NEGR1: variants seen among roughly 807,000 people sequenced by gnomAD.
NEGR1 encodes IgLON family member 4.
In NEGR1, 10 loss-of-function variants were observed where a neutral mutation model predicts 40.9. That is an observed-to-expected ratio of 0.24 (90% confidence interval 0.15 to 0.42). NEGR1 has a LOEUF of 0.42. NEGR1 is among the 10% of genes least tolerant of loss of function. NEGR1 has a pLI of 1.00. For missense variants in NEGR1, 352 were observed against 438.9 expected, an observed-to-expected ratio of 0.80 and a Z score of 1.77; for synonymous variants, 185 against 166.8, an observed-to-expected ratio of 1.11 and a Z score of -0.84.
At chr1:72,115,197 T>C (rs1649535519) in intron 1 of NEGR1, among the ~76,000 whole-genome samples, 1 of 142,012 alleles carries the variant, frequency 7.0e-6, no homozygotes. Context: ...TTAATTGTGG[T>C]CTTTTATATA....
chr1:72,094,918 G>T (rs1648640331), intron 1 of NEGR1, among the ~76,000 whole-genome samples: 1 of 151,994 alleles, frequency 6.6e-6, no homozygotes, highest in South Asian at 2.1e-4. Flanking sequence ...ACTCCTAAAA[G>T]GTTATATGAG....
chr1:72,275,076 CA>C, intron 1 of NEGR1: 5 of 1,040,370 alleles, frequency 4.8e-6, no homozygotes, highest in Non-Finnish European at 6.1e-6. Context: ...TTGTTAGCAC[CA>C]GTGACCTCCT....
intron 2 of NEGR1, among the ~76,000 whole-genome samples, chr1:71,849,829 T>C (rs1570429434): frequency 2.0e-5 from 3 of 152,188 alleles, no homozygotes; most frequent in African/African-American, 7.2e-5. Context: ...TTTAGCAATA[T>C]AGTATTTTTT....
In NEGR1 at chr1:71,399,394, T is replaced by C. The variant is rs1425307581; in HGVS notation, c.*8052A>G. ...AAAAATGTATTACAAGAAATTAATTTATTCCAAATTTTTTTAAAAATCTGC... is the reference window on the plus strand; with the variant it reads ...AAAAATGTATTACAAGAAATTAATTCATTCCAAATTTTTTTAAAAATCTGC... On this transcript the variant is annotated 3_prime_UTR_variant, in exon 7 of 7. Transcript: ENST00000357731. 6.6e-6 allele frequency: 1 copy of C among 152,204 alleles called. No individual in the cohort carries two copies. The highest frequency in any genetic ancestry group is 1.5e-5 in the Non-Finnish European group (1 of 68,042). The allele number at this position is 152,204 out of a possible 1,614,324, so 9.4% of individuals were successfully genotyped here.
intron 2 of NEGR1, among the ~76,000 whole-genome samples, chr1:71,800,577 C>T (rs996228120): frequency 6.6e-6 from 1 of 152,194 alleles, no homozygotes; most frequent in African/African-American, 2.4e-5. Context: ...ATCCCTGTAA[C>T]ATACTGTTCA....
At chr1:71,762,370 G>A (rs781400940) in intron 3 of NEGR1, among the ~76,000 whole-genome samples, 9 of 151,846 alleles carry the variant, frequency 5.9e-5, no homozygotes, top group Non-Finnish European at 1.0e-4. Context: ...TCAAAATAGA[G>A]AGGTTGGCAA....
At chr1:71,650,530 T>G (rs886094897) in intron 4 of NEGR1, among the ~76,000 whole-genome samples, 29 of 152,336 alleles carry the variant, frequency 1.9e-4, no homozygotes, top group African/African-American at 6.7e-4. Flanking sequence ...TGCATTTGTC[T>G]TATTATAAAC....
chr1:71,560,457 A>ATATATATATATATATATATATC (rs1349475776), intron 6 of NEGR1, among the ~76,000 whole-genome samples: 1 of 143,914 alleles, frequency 6.9e-6, no homozygotes, highest in Non-Finnish European at 1.5e-5. Flanking sequence ...ATGTATATAT[A>ATATATATATATATATATATATC]TATTTCCAAT....
intron 6 of NEGR1, among the ~76,000 whole-genome samples, chr1:71,580,350 T>G (rs2101504293): frequency 6.6e-6 from 1 of 151,848 alleles, no homozygotes. Context: ...GAGATATACC[T>G]AATGCTAGAT....
At chr1:71,841,405 C>A (rs558654780) in intron 2 of NEGR1, among the ~76,000 whole-genome samples, 1 of 152,106 alleles carries the variant, frequency 6.6e-6, no homozygotes, top group East Asian at 1.9e-4. Context: ...TTTACTAGTT[C>A]ATTGCACATC....
intron 4 of NEGR1, among the ~76,000 whole-genome samples, chr1:71,694,449 TA>T (rs1207768104): frequency 6.6e-6 from 1 of 151,770 alleles, no homozygotes; most frequent in East Asian, 1.9e-4. Flanking sequence ...CATTAATGCT[TA>T]AAAATTTCTT....
chr1:71,865,519 AGTGGGAGCTGAACAAT>A (rs548713349), intron 2 of NEGR1, among the ~76,000 whole-genome samples: 41 of 152,220 alleles, frequency 2.7e-4, no homozygotes, highest in African/African-American at 9.1e-4. Flanking sequence ...CTCACTCATA[AGTGGGAGCTGAACAAT>A]GTGGGAGCTG....
In NEGR1 at chr1:71,968,177, T is replaced by TA. The variant is rs561682411; in HGVS notation, c.177-32867dup. Among the ~76,000 whole-genome samples, 28 of 152,232 alleles carry TA rather than the reference T, an allele frequency of 1.8e-4. No homozygotes were observed. The East Asian group carries it at 4.1e-3, about 22-fold the overall frequency. On this transcript the variant is annotated intron_variant, in intron 1 of 6. Transcript: ENST00000357731. ...TCAGAAATGTAAATCTGTACGATTA[T>TA]AAAAAAATGTGCAAATTGCACTGGA... is the stretch of plus-strand genomic sequence containing the variant.
chr1:72,030,679 G>C (rs1646849961), intron 1 of NEGR1, among the ~76,000 whole-genome samples: 1 of 151,862 alleles, frequency 6.6e-6, no homozygotes. Flanking sequence ...ATAAAAAAAA[G>C]TACACTACAT....
chr1:71,396,679 A>C lies in NEGR1; in HGVS notation c.*10767T>G, dbSNP rs1646214510. Reference sequence around the variant, plus strand: ...CCATGCTGTTCTCATGACAGTGAGTAAGTCTCATGAGATCTGATGGTTTTA... The same window carrying C: ...CCATGCTGTTCTCATGACAGTGAGTCAGTCTCATGAGATCTGATGGTTTTA... On this transcript the variant is annotated 3_prime_UTR_variant, in exon 7 of 7. Coordinates refer to ENST00000357731, the MANE Select transcript of NEGR1 (RefSeq NM_173808.3). 6.6e-6 allele frequency: 1 copy of C among 152,484 alleles called. No individual in the cohort carries two copies. The highest frequency in any genetic ancestry group is 2.4e-5 in the African/African-American group (1 of 41,436). The allele number at this position is 152,484 out of a possible 1,614,324, so 9.4% of individuals were successfully genotyped here.
At chr1:71,895,147 T>C (rs185759025) in intron 2 of NEGR1, among the ~76,000 whole-genome samples, 1 of 152,310 alleles carries the variant, frequency 6.6e-6, no homozygotes, top group East Asian at 1.9e-4. Context: ...GGAGCTATTT[T>C]ATTATCTACT....
intron 1 of NEGR1, among the ~76,000 whole-genome samples, chr1:72,187,624 T>C (rs1434963510): frequency 1.3e-5 from 2 of 150,340 alleles, no homozygotes; most frequent in Non-Finnish European, 3.0e-5. Context: ...TTAAAAATAT[T>C]TCTTTCTAAA....
At chr1:71,942,904 C>A (rs928321461) in intron 1 of NEGR1, among the ~76,000 whole-genome samples, 18 of 149,186 alleles carry the variant, frequency 1.2e-4, no homozygotes, top group Admixed American at 8.8e-4. Context: ...TGGACTCAAG[C>A]AATCCTCCTG....
intron 2 of NEGR1, among the ~76,000 whole-genome samples, chr1:71,921,733 TAG>T (rs1341297627): frequency 4.6e-5 from 6 of 129,052 alleles, no homozygotes; most frequent in Non-Finnish European, 9.8e-5. Flanking sequence ...TATATATATA[TAG>T]AATACCATCG....
Sources: gnomAD v4.1 joint callset for allele counts (sites outside exome capture counted in the v4.1 genomes callset) on GRCh38, gnomAD v4.1.1 for gene constraint, MANE v1.5 for transcripts, NCBI Gene and HGNC (gene_info 2026-07-23, HGNC 2026-07-21) for gene names.